The following ELAPOR1 variants were observed in gnomAD, a reference collection of about 807,000 sequenced individuals.
ELAPOR1 encodes endosome/lysosome-associated apoptosis and autophagy regulator 1.
A neutral mutation model predicts 119.7 loss-of-function variants in ELAPOR1; 77 were observed. That is an observed-to-expected ratio of 0.64 (90% CI 0.54 to 0.78). The LOEUF (loss-of-function observed/expected upper bound fraction) is 0.78, where lower values mean the gene tolerates loss of function less well. Among genes scored for constraint, ELAPOR1 ranks in the 30% least tolerant of loss-of-function variants. The pLI, the probability that ELAPOR1 is intolerant of heterozygous loss-of-function variation, is 0.00. For missense variants in ELAPOR1, 1,115 were observed against 1,270.4 expected (o/e 0.88, Z 1.86); for synonymous variants, 481 against 487.2 (o/e 0.99, Z 0.17).
chr1:109,202,081 C>T (rs1191080727), intron 21 of ELAPOR1, among the ~76,000 whole-genome samples: 2 of 152,164 alleles, frequency 1.3e-5, no homozygotes, highest in African/African-American at 4.8e-5. Flanking sequence ...GCCTGGGCAA[C>T]AGAGCGAGAC....
chr1:109,148,243 A>C (rs2101013765), intron 1 of ELAPOR1, among the ~76,000 whole-genome samples: 1 of 100,376 alleles, frequency 1.0e-5, no homozygotes, highest in Non-Finnish European at 2.3e-5. Context: ...GGTTCAAGCG[A>C]TTCTCCTGCC....
chr1:109,121,582 G>A (rs1239835881), intron 1 of ELAPOR1, among the ~76,000 whole-genome samples: 1 of 152,134 alleles, frequency 6.6e-6, no homozygotes, highest in Non-Finnish European at 1.5e-5. Context: ...ACACTTTAGA[G>A]TTTCCCTTTA....
intron 1 of ELAPOR1, among the ~76,000 whole-genome samples, chr1:109,158,309 C>CTTTTTTTTTTTTT (rs386368020): frequency 1.5e-5 from 2 of 131,640 alleles, no homozygotes; most frequent in Non-Finnish European, 3.3e-5. Context: ...TGACAGTTTT[C>CTTTTTTTTTTTTT]TTTTTTTTTT....
chr1:109,186,459 C>G (rs1653049934), intron 8 of ELAPOR1: 2 of 983,398 alleles, frequency 2.0e-6, no homozygotes, highest in African/African-American at 3.5e-5. Flanking sequence ...TGAATTCTCC[C>G]TTTCCTAACT....
intron 1 of ELAPOR1, among the ~76,000 whole-genome samples, chr1:109,148,305 A>G (rs766313881): frequency 3.0e-4 from 44 of 146,026 alleles, no homozygotes; most frequent in Non-Finnish European, 5.1e-4. Context: ...CGCCTGGTTA[A>G]TTTTTGTACT....
At position 109,186,880 on chromosome 1, in the gene ELAPOR1, C is replaced by T. The variant is rs537279356; in HGVS notation, c.1042-1297C>T. On this transcript the variant is annotated intron_variant, in intron 8 of 21. Transcript: ENST00000369939. ...GTGTCTGCCTTGGCCTGACCACTGCCGGGGCCTTTAGATGCTGGGTCAGAC... is the reference window on the plus strand; with the variant it reads ...GTGTCTGCCTTGGCCTGACCACTGCTGGGGCCTTTAGATGCTGGGTCAGAC... 1.6e-4 allele frequency: 158 copies of T among 985,506 alleles called. No homozygotes were observed. In the South Asian group the frequency reaches 5.6e-3, roughly 35 times the overall value. The allele number at this position is 985,506 out of a possible 1,614,324, so 61.0% of individuals were successfully genotyped here.
intron 1 of ELAPOR1, among the ~76,000 whole-genome samples, chr1:109,140,220 A>G (rs2100997240): frequency 6.6e-6 from 1 of 152,326 alleles, no homozygotes; most frequent in Admixed American, 6.5e-5. Flanking sequence ...CACAACCTGT[A>G]CATCTGTACA....
At chr1:109,132,867 C>T (rs1649232819) in intron 1 of ELAPOR1, among the ~76,000 whole-genome samples, 2 of 152,032 alleles carry the variant, frequency 1.3e-5, no homozygotes, top group African/African-American at 4.8e-5. Context: ...ACAAGGACTT[C>T]GGTTTTTAGG....
At position 109,191,446 on chromosome 1, in the gene ELAPOR1, T is replaced by C. The variant is rs940741143; in HGVS notation, c.1520T>C (p.Val507Ala). Residue 507 changes from valine to alanine, a missense_variant, in exon 12 of 22, where the codon GTG (valine) becomes GCG (alanine). Physicochemically the swap from Val to Ala is moderately conservative, Grantham distance 64 (BLOSUM62 0). Coordinates refer to ENST00000369939, the MANE Select transcript of ELAPOR1 (RefSeq NM_020775.5). ...TTTGTCTTTGAGACCCTCTGTTCTG[T>C]GAACTGTGAGCTCTACTTCATGGTG... ...ITFVFETLCS[V>A]NCELYFMVGV... The C allele has an allele frequency of 6.2e-6, 10 of 1,614,018 alleles. No homozygotes were observed. The highest frequency in any genetic ancestry group is 6.8e-6 in the Non-Finnish European group (8 of 1,179,888).
intron 7 of ELAPOR1, 93 bp from the exon 8 acceptor site, chr1:109,184,952 C>A (rs1652956225): frequency 2.2e-6 from 2 of 899,836 alleles, no homozygotes; most frequent in Non-Finnish European, 3.7e-6. Context: ...TGGCAATGCA[C>A]CCAGGGACTT....
At chr1:109,120,603 T>C (rs1168552802) in intron 1 of ELAPOR1, among the ~76,000 whole-genome samples, 1 of 152,072 alleles carries the variant, frequency 6.6e-6, no homozygotes, top group African/African-American at 2.4e-5. Context: ...ACCTAGTCTA[T>C]GGTATTTTGT....
chr1:109,125,886 G>T (rs754254051), intron 1 of ELAPOR1, among the ~76,000 whole-genome samples: 1 of 152,066 alleles, frequency 6.6e-6, no homozygotes, highest in Non-Finnish European at 1.5e-5. Context: ...AAAAATCCCC[G>T]TACATCATTC....
chr1:109,157,392 G>C (rs1650947773), intron 1 of ELAPOR1, among the ~76,000 whole-genome samples: 1 of 152,276 alleles, frequency 6.6e-6, no homozygotes, highest in South Asian at 2.1e-4. Flanking sequence ...ACTGTGTGAT[G>C]TGCTTGACCT....
At chr1:109,124,262 C>T (rs1648633355) in intron 1 of ELAPOR1, among the ~76,000 whole-genome samples, 2 of 151,984 alleles carry the variant, frequency 1.3e-5, no homozygotes. Flanking sequence ...ACTATGTTGC[C>T]CAGGCTGGAG....
chr1:109,202,279 A>ATT (rs1227159194), intron 21 of ELAPOR1, among the ~76,000 whole-genome samples: 93 of 143,680 alleles, frequency 6.5e-4, no homozygotes, highest in African/African-American at 2.2e-3. Flanking sequence ...CACCTGGCTA[A>ATT]TTTTTTTTTT....
chr1:109,132,189 C>T (rs1447956973), intron 1 of ELAPOR1, among the ~76,000 whole-genome samples: 2 of 151,962 alleles, frequency 1.3e-5, no homozygotes, highest in Non-Finnish European at 2.9e-5. Flanking sequence ...GCTCTGTCAC[C>T]CAGGCTAGAG....
At position 109,200,053 on chromosome 1, in the gene ELAPOR1, C is replaced by T. The variant is rs1654070135; in HGVS notation, c.2629-6C>T. 4 of 1,613,442 alleles carry T rather than the reference C, an allele frequency of 2.5e-6. No individual in the cohort carries two copies. Among genetic ancestry groups the T allele is most frequent in the Non-Finnish European group, 3.4e-6 (4 of 1,179,554 alleles). On this transcript the variant is annotated splice_region_variant and splice_polypyrimidine_tract_variant and intron_variant, in intron 19 of 21. Transcript: ENST00000369939. Reference sequence around the variant, plus strand: ...GATCTGAGTTCCTTGTTTTTCTCCCCAACAGAAGACTACTTACGTGTGGCG... The same window carrying T: ...GATCTGAGTTCCTTGTTTTTCTCCCTAACAGAAGACTACTTACGTGTGGCG...
In ELAPOR1 at chr1:109,114,149, C is replaced by T. The variant is rs906477762; in HGVS notation, c.-35C>T. The T allele has an allele frequency of 3.3e-6, 5 of 1,510,022 alleles. No individual in the cohort carries two copies. The highest frequency in any genetic ancestry group is 4.4e-5 in the Admixed American group (2 of 45,572). 93.5% of individuals were successfully genotyped at this position (1,510,022 alleles called of 1,614,324 possible). The stretch of plus-strand genomic sequence containing the variant: ...CCAGCAGAAGCAGCAGCCGCAGCAC[C>T]TGAGCCGCTACTGCCGCTCACTCAG... On this transcript the variant is annotated 5_prime_UTR_variant, in exon 1 of 22. Transcript: ENST00000369939.
At chr1:109,158,398 C>T (rs140290538) in intron 1 of ELAPOR1, among the ~76,000 whole-genome samples, 1,564 of 147,980 alleles carry the variant, frequency 0.011, 16 homozygotes, top group Non-Finnish European at 0.016. Flanking sequence ...GTGAATTCTT[C>T]TAGAACTGAA....
Sources: allele counts gnomAD v4.1 joint callset (sites outside exome capture counted in the v4.1 genomes callset), GRCh38; gene constraint gnomAD v4.1.1; transcripts MANE v1.5; gene names NCBI Gene and HGNC (gene_info 2026-07-23, HGNC 2026-07-21).